The following CREB5 variants were observed in gnomAD, a reference collection of about 807,000 sequenced individuals.
CREB5 encodes the protein cAMP responsive element binding protein 5.
In CREB5, 19 loss-of-function variants were observed where a neutral mutation model predicts 57.1. That is an observed-to-expected ratio of 0.33 (90% confidence interval 0.23 to 0.49). CREB5 has a LOEUF of 0.49. Among genes scored for constraint, CREB5 ranks in the 20% least tolerant of loss-of-function variants. CREB5 has a pLI of 0.99. For missense variants in CREB5, 579 were observed against 671.6 expected (o/e 0.86, Z 1.52); for synonymous variants, 238 against 238.3 (o/e 1.00, Z 0.01).
chr7:28,443,817 A>G (rs557665693), intron 1 of CREB5, among the ~76,000 whole-genome samples: 9 of 152,254 alleles, frequency 5.9e-5, no homozygotes, highest in African/African-American at 2.2e-4. Context: ...TCTTTGGGAC[A>G]CATGTTTCTC....
intron 4 of CREB5, among the ~76,000 whole-genome samples, chr7:28,562,596 T>C (rs1156850228): frequency 2.6e-5 from 4 of 152,192 alleles, no homozygotes; most frequent in Non-Finnish European, 5.9e-5. Context: ...CTGATGATTA[T>C]ATCAGTGTGC....
At chr7:28,550,286 T>G (rs976434271) in intron 4 of CREB5, among the ~76,000 whole-genome samples, 5 of 152,138 alleles carry the variant, frequency 3.3e-5, no homozygotes, top group African/African-American at 1.2e-4. Context: ...ATTTTAGCCC[T>G]GAAGAGCTAA....
At chr7:28,428,278 A>G (rs1269805358) in intron 1 of CREB5, among the ~76,000 whole-genome samples, 1 of 152,196 alleles carries the variant, frequency 6.6e-6, no homozygotes, top group Non-Finnish European at 1.5e-5. Context: ...GCTTTAAACC[A>G]TGCCATGATC....
At chr7:28,478,078 CCTGA>C (rs1791156760) in intron 1 of CREB5, among the ~76,000 whole-genome samples, 1 of 152,118 alleles carries the variant, frequency 6.6e-6, no homozygotes, top group African/African-American at 2.4e-5. Context: ...ATCACTCCAG[CCTGA>C]GTGACAGAGA....
At chr7:28,555,970 G>A (rs1163200658) in intron 4 of CREB5, among the ~76,000 whole-genome samples, 2 of 152,160 alleles carry the variant, frequency 1.3e-5, no homozygotes, top group South Asian at 4.1e-4. Context: ...TCCAGTTGCC[G>A]AAGACCAGGG....
At chr7:28,336,174 T>C (rs1277522708) in intron 1 of CREB5, among the ~76,000 whole-genome samples, 1 of 152,168 alleles carries the variant, frequency 6.6e-6, no homozygotes, top group African/African-American at 2.4e-5. Context: ...GATGTGTCTT[T>C]GTGTGGTTTT....
chr7:28,550,434 AG>A (rs772764589), intron 4 of CREB5, among the ~76,000 whole-genome samples: 14 of 152,282 alleles, frequency 9.2e-5, no homozygotes, highest in East Asian at 3.9e-4. Context: ...CTGGTTGTGG[AG>A]GGGGCTGAAA....
At chr7:28,356,630 A>T (rs190219931) in intron 1 of CREB5, among the ~76,000 whole-genome samples, 23 of 152,314 alleles carry the variant, frequency 1.5e-4, no homozygotes, top group African/African-American at 5.3e-4. Context: ...GAATCACTTG[A>T]ATAAGTTCCT....
chr7:28,784,115 C>T (rs1284164454), intron 7 of CREB5, among the ~76,000 whole-genome samples: 4 of 152,228 alleles, frequency 2.6e-5, no homozygotes, highest in Non-Finnish European at 5.9e-5. Context: ...CATCTTTCTA[C>T]TCTAGTATTT....
intron 1 of CREB5, among the ~76,000 whole-genome samples, chr7:28,319,183 G>A (rs980559676): frequency 6.6e-6 from 1 of 152,012 alleles, no homozygotes; most frequent in African/African-American, 2.4e-5. Flanking sequence ...GGAAGAAAAT[G>A]GCATCTCCTA....
intron 5 of CREB5, among the ~76,000 whole-genome samples, chr7:28,577,468 C>T (rs1378900437): frequency 9.9e-5 from 15 of 152,178 alleles, no homozygotes; most frequent in Non-Finnish European, 2.1e-4. Context: ...TAACAGCAAC[C>T]TCTTCTCTTT....
At chr7:28,405,101 A>G (rs541173583) in intron 1 of CREB5, among the ~76,000 whole-genome samples, 1 of 152,346 alleles carries the variant, frequency 6.6e-6, no homozygotes, top group East Asian at 1.9e-4. Flanking sequence ...TGGTTTTCAC[A>G]GTTTTGGATG....
chr7:28,314,371 T>C (rs1032337482), intron 1 of CREB5, among the ~76,000 whole-genome samples: 5 of 152,224 alleles, frequency 3.3e-5, no homozygotes, highest in African/African-American at 7.2e-5. Flanking sequence ...GAGATGGTGC[T>C]GTCTTTATCA....
At chr7:28,517,418 A>T (rs1204691673) in intron 4 of CREB5, among the ~76,000 whole-genome samples, 2 of 152,200 alleles carry the variant, frequency 1.3e-5, no homozygotes, top group Non-Finnish European at 2.9e-5. Flanking sequence ...TCCCATCTGC[A>T]TTTCCAGCAC....
chr7:28,587,936 A>C (rs1796360602), intron 5 of CREB5, among the ~76,000 whole-genome samples: 1 of 152,124 alleles, frequency 6.6e-6, no homozygotes, highest in Non-Finnish European at 1.5e-5. Flanking sequence ...ACCTGGTTTT[A>C]CCAGTACTTG....
chr7:28,304,241 A>G (rs762946729), intron 1 of CREB5, among the ~76,000 whole-genome samples: 1 of 152,194 alleles, frequency 6.6e-6, no homozygotes, highest in East Asian at 1.9e-4. Flanking sequence ...CCATCCACCA[A>G]ACTATTATTT....
chr7:28,694,881 G>C (rs1232631281), intron 5 of CREB5, among the ~76,000 whole-genome samples: 1 of 152,102 alleles, frequency 6.6e-6, no homozygotes, highest in Non-Finnish European at 1.5e-5. Context: ...GATGAAGCCA[G>C]AACCTAAAGA....
chr7:28,572,669 AC>A (rs1385181808), intron 5 of CREB5, among the ~76,000 whole-genome samples: 2 of 152,094 alleles, frequency 1.3e-5, no homozygotes, highest in African/African-American at 4.8e-5. Context: ...CATTGTTAGC[AC>A]AAAGCTGGTC....
intron 4 of CREB5, among the ~76,000 whole-genome samples, chr7:28,561,031 T>TGTGC (rs1795250682): frequency 8.4e-5 from 8 of 95,706 alleles, no homozygotes; most frequent in Admixed American, 2.7e-4. Flanking sequence ...TGTGCGTGTG[T>TGTGC]GTGTGTGTGT....
Sources: allele counts gnomAD v4.1 joint callset (sites outside exome capture counted in the v4.1 genomes callset), GRCh38; gene constraint gnomAD v4.1.1; transcripts MANE v1.5; gene names NCBI Gene and HGNC (gene_info 2026-07-23, HGNC 2026-07-21).